The following PRH1 variants were observed in gnomAD, a reference collection of about 807,000 sequenced individuals.
PRH1 encodes salivary acidic proline-rich phosphoprotein 1/2.
Under a neutral mutation model 7.9 loss-of-function variants are expected in PRH1, and 7 were observed. The ratio of observed to expected loss-of-function variants is 0.89; its 90% CI spans 0.50 to 1.67. The LOEUF (loss-of-function observed/expected upper bound fraction) is 1.67. Among genes scored for constraint, PRH1 ranks in the 40% most tolerant of loss-of-function variants. The pLI is 0.00. For synonymous variants in PRH1, 45 were observed against 80.8 expected, an observed-to-expected ratio of 0.56 and a Z score of 2.38; for missense variants, 109 against 223.6, an observed-to-expected ratio of 0.49 and a Z score of 3.27.
At chr12:10,989,021 T>G in intron 1 of PRH1, among the ~76,000 whole-genome samples, 1 of 152,282 alleles carries the variant, frequency 6.6e-6, no homozygotes, top group East Asian at 1.9e-4. Context: ...TTGGCCAGGT[T>G]GGTCTTGAAC....
At chr12:10,968,073 T>C (rs1416646493) in intron 2 of PRH1, among the ~76,000 whole-genome samples, 1 of 151,902 alleles carries the variant, frequency 6.6e-6, no homozygotes, top group Non-Finnish European at 1.5e-5. Context: ...AGAGCGAGAC[T>C]CCGTCTCAAA....
At chr12:11,153,769 A>G (rs1947172414) in intron 1 of PRH1, among the ~76,000 whole-genome samples, 1 of 152,210 alleles carries the variant, frequency 6.6e-6, no homozygotes, top group African/African-American at 2.4e-5. Flanking sequence ...TAAAATTCAG[A>G]CCAAAAGACT....
At chr12:11,133,479 C>A in intron 1 of PRH1, 1 of 1,614,064 alleles carries the variant, frequency 6.2e-7, no homozygotes, top group Non-Finnish European at 8.5e-7. Context: ...GGTTGCTTTT[C>A]CAGCCTCCCA....
In PRH1 at chr12:10,987,234, C is replaced by T. The variant is rs146492888; in HGVS notation, c.-125-13513G>A. Among the ~76,000 whole-genome samples, 42 of 152,142 alleles carry T rather than the reference C, an allele frequency of 2.8e-4. No homozygotes were observed. The East Asian group carries it at 5.6e-3, about 20-fold the overall frequency. On this transcript the variant is annotated intron_variant, in intron 1 of 3. Transcript: ENST00000539853. ...TTTTGCAATGTTTTCCTTGTTTAAC[C>T]GATACGTAATTTGTGTTCAGCAACT...
chr12:11,032,823 C>G (rs1591851498), intron 1 of PRH1, among the ~76,000 whole-genome samples: 1 of 152,194 alleles, frequency 6.6e-6, no homozygotes, highest in Non-Finnish European at 1.5e-5. Flanking sequence ...TGCCCCTGAA[C>G]TTGGAGTTCA....
intron 2 of PRH1, chr12:10,937,930 A>T (rs1950316414): frequency 5.1e-6 from 1 of 195,300 alleles, no homozygotes; most frequent in Non-Finnish European, 1.0e-5. Flanking sequence ...GCCTATTTTT[A>T]GTAACTGTGT....
intron 1 of PRH1, among the ~76,000 whole-genome samples, chr12:11,020,310 T>C (rs1941536763): frequency 6.6e-6 from 1 of 151,376 alleles, no homozygotes; most frequent in Admixed American, 6.6e-5. Context: ...GAGACAGATA[T>C]GACCTCTCTT....
At chr12:11,005,552 A>C (rs1283220640) in intron 1 of PRH1, among the ~76,000 whole-genome samples, 3 of 152,120 alleles carry the variant, frequency 2.0e-5, no homozygotes, top group Admixed American at 6.6e-5. Context: ...GGAAAGTGCA[A>C]AAAGGCCAAT....
chr12:10,903,761 C>A (rs1054655671), intron 2 of PRH1, among the ~76,000 whole-genome samples: 1 of 151,088 alleles, frequency 6.6e-6, no homozygotes. Context: ...GATGTGAATC[C>A]ATACATACAA....
chr12:10,968,827 C>G (rs564246590), intron 2 of PRH1, among the ~76,000 whole-genome samples: 16 of 152,332 alleles, frequency 1.1e-4, no homozygotes, highest in Middle Eastern at 6.8e-3. Context: ...TGGGGGGGTG[C>G]CCGCACCCCT....
chr12:11,151,579 C>T (rs918586529), intron 1 of PRH1, among the ~76,000 whole-genome samples: 24 of 152,154 alleles, frequency 1.6e-4, no homozygotes, highest in African/African-American at 5.5e-4. Context: ...CTTTTTTTGC[C>T]TAACTCATCC....
chr12:11,072,499 C>T (rs1456394038), intron 1 of PRH1, among the ~76,000 whole-genome samples: 1 of 152,234 alleles, frequency 6.6e-6, no homozygotes, highest in Non-Finnish European at 1.5e-5. Flanking sequence ...GCGAAATTCT[C>T]CTCCACTGGC....
chr12:10,942,023 G>A (rs1292167097), intron 2 of PRH1, among the ~76,000 whole-genome samples: 1 of 152,108 alleles, frequency 6.6e-6, no homozygotes, highest in Non-Finnish European at 1.5e-5. Context: ...AAGTCCACCA[G>A]GCTCCAGGCT....
chr12:10,991,041 T>C (rs1269153642), intron 1 of PRH1, among the ~76,000 whole-genome samples: 2 of 152,172 alleles, frequency 1.3e-5, no homozygotes, highest in Non-Finnish European at 2.9e-5. Flanking sequence ...AGATGTCAAA[T>C]GACTTCTTAG....
chr12:10,969,755 A>G (rs1244815327), intron 2 of PRH1, among the ~76,000 whole-genome samples: 1 of 152,114 alleles, frequency 6.6e-6, no homozygotes, highest in East Asian at 1.9e-4. Context: ...AATTCTTTCA[A>G]ATGGTTATTT....
intron 2 of PRH1, chr12:10,964,982 C>T: frequency 1.4e-6 from 1 of 710,650 alleles, no homozygotes; most frequent in Non-Finnish European, 2.4e-6. Flanking sequence ...ACTCTTAATT[C>T]TCCTTTTTAA....
intron 1 of PRH1, among the ~76,000 whole-genome samples, chr12:11,001,107 C>T (rs1373765380): frequency 6.6e-6 from 1 of 151,850 alleles, no homozygotes; most frequent in East Asian, 1.9e-4. Flanking sequence ...GTCTACACAT[C>T]CTTCCGCAAG....
At chr12:11,015,483 T>C (rs1385928952) in intron 1 of PRH1, among the ~76,000 whole-genome samples, 3 of 152,180 alleles carry the variant, frequency 2.0e-5, no homozygotes, top group Non-Finnish European at 4.4e-5. Context: ...AGTTGAATTC[T>C]TTCTTCTGAG....
chr12:10,907,282 G>A (rs1316491468), intron 2 of PRH1, among the ~76,000 whole-genome samples: 1 of 152,114 alleles, frequency 6.6e-6, no homozygotes, highest in Non-Finnish European at 1.5e-5. Context: ...TCCAGAAGAA[G>A]AGAAATACAT....
Sources: allele counts gnomAD v4.1 joint callset (sites outside exome capture counted in the v4.1 genomes callset), GRCh38; gene constraint gnomAD v4.1.1; transcripts MANE v1.5; gene names NCBI Gene and HGNC (gene_info 2026-07-23, HGNC 2026-07-21).